Variants in KLHL28 observed in about 807,000 individuals in gnomAD.
KLHL28 encodes kelch-like protein 28.
Under a neutral mutation model 48.3 loss-of-function variants are expected in KLHL28, and 22 were observed. The ratio of observed to expected loss-of-function variants is 0.46; its 90% confidence interval spans 0.33 to 0.65. The LOEUF is 0.65. Ranked by LOEUF, KLHL28 falls within the 30% of genes least tolerant of loss-of-function variation. KLHL28 has a pLI of 0.03. For missense variants in KLHL28, 527 were observed against 704.3 expected (o/e 0.75, Z 2.85); for synonymous variants, 243 against 242.4 (o/e 1.00, Z -0.02).
At chr14:44,929,270 T>C in intron 4 of KLHL28, 79 bp from the exon 5 acceptor site, 2 of 1,209,170 alleles carry the variant, frequency 1.7e-6, no homozygotes, top group African/African-American at 1.6e-5. Flanking sequence ...TAAATTTGTA[T>C]TTTAATGTTT....
intron 2 of KLHL28, among the ~76,000 whole-genome samples, chr14:44,936,780 T>C (rs567458129): frequency 6.6e-6 from 1 of 152,262 alleles, no homozygotes; most frequent in East Asian, 1.9e-4. Context: ...GGCCATGGCG[T>C]ATTTAAAGGA....
chr14:44,934,309 T>C lies in KLHL28; in HGVS notation c.1149A>G (p.Val383=). The C allele has an allele frequency of 6.2e-7, 1 of 1,614,150 alleles. No homozygotes were observed. The highest frequency in any genetic ancestry group is 1.1e-5 in the South Asian group (1 of 91,084). The change falls in exon 3 of 5, where the codon GTA becomes GTG. Residue 383 remains valine (V), a synonymous_variant. Transcript: ENST00000396128. ...NESRSTLGVV[V]LAGELYALGG... is the part of the protein sequence containing the mutation. Reference sequence around the variant, plus strand: ...CTAAGGCATAAAGTTCTCCTGCAAGTACTACTACTCCAAGAGTACTTCGGC... The same window carrying C: ...CTAAGGCATAAAGTTCTCCTGCAAGCACTACTACTCCAAGAGTACTTCGGC...
chr14:44,953,360 C>T (rs35237680), intron 1 of KLHL28, among the ~76,000 whole-genome samples: 2,101 of 152,230 alleles, frequency 0.014, 21 homozygotes, highest in Middle Eastern at 0.027. Flanking sequence ...GAATAAAATA[C>T]GGGTAAAAAC....
intron 2 of KLHL28, among the ~76,000 whole-genome samples, chr14:44,938,999 C>A (rs1340030597): frequency 7.2e-5 from 11 of 152,228 alleles, no homozygotes; most frequent in South Asian, 2.1e-4. Flanking sequence ...CTATCTGCAA[C>A]ACTCTTACAG....
chr14:44,939,170 A>C (rs1397696082), intron 2 of KLHL28, among the ~76,000 whole-genome samples: 1 of 152,200 alleles, frequency 6.6e-6, no homozygotes, highest in Non-Finnish European at 1.5e-5. Flanking sequence ...CTACACTAGA[A>C]TGTGGAGAGC....
intron 2 of KLHL28, among the ~76,000 whole-genome samples, chr14:44,936,825 G>T (rs979878312): frequency 1.3e-5 from 2 of 152,196 alleles, no homozygotes; most frequent in Admixed American, 6.5e-5. Context: ...TCTAAGCTAG[G>T]CAAGATGGAA....
At chr14:44,942,127 CA>C (rs760724597) in intron 2 of KLHL28, among the ~76,000 whole-genome samples, 16 of 152,208 alleles carry the variant, frequency 1.1e-4, no homozygotes, top group Admixed American at 4.6e-4. Flanking sequence ...TCAATGTGTC[CA>C]AAACTCTTCC....
intron 2 of KLHL28, among the ~76,000 whole-genome samples, chr14:44,944,682 T>C (rs774810800): frequency 2.6e-5 from 4 of 152,150 alleles, no homozygotes. Flanking sequence ...TCTGATATAA[T>C]TGACAATAAT....
chr14:44,949,334 A>C (rs1238992609), intron 1 of KLHL28, among the ~76,000 whole-genome samples: 2 of 152,118 alleles, frequency 1.3e-5, no homozygotes, highest in Non-Finnish European at 1.5e-5. Context: ...GTTACAGACT[A>C]GGTTTGTTTC....
At chr14:44,941,628 C>CAAAA (rs1247926852) in intron 2 of KLHL28, among the ~76,000 whole-genome samples, 5 of 81,100 alleles carry the variant, frequency 6.2e-5, no homozygotes, top group Admixed American at 2.9e-4. Flanking sequence ...AACTCTGTCT[C>CAAAA]AAAAAAAAAA....
At chr14:44,959,539 G>A (rs1884942805) in intron 1 of KLHL28, 1 of 152,004 alleles carries the variant, frequency 6.6e-6, no homozygotes. Context: ...TAAGAACACA[G>A]AAAAATCATA....
intron 1 of KLHL28, among the ~76,000 whole-genome samples, chr14:44,956,073 A>G (rs982535974): frequency 6.6e-6 from 1 of 152,218 alleles, no homozygotes; most frequent in African/African-American, 2.4e-5. Flanking sequence ...TCAAACATTT[A>G]TTATGCCTTT....
rs1883394056 is a variant in KLHL28, at chr14:44,926,932, A to C, written c.*2096T>G. The C allele has an allele frequency of 6.6e-6, 1 of 152,670 alleles. No individual in the cohort carries two copies. The allele number at this position is 152,670 out of a possible 1,614,324, so 9.5% of individuals were successfully genotyped here. A position where few individuals can be genotyped will look rare whatever the true frequency, so the allele number is the denominator to read the frequency against. ...ACAAAGAAAACTGAATTGGGGATTT[A>C]AAACTAAATATGTGATGAATCTATT... On this transcript the variant is annotated 3_prime_UTR_variant, in exon 5 of 5. Transcript: ENST00000396128.
intron 1 of KLHL28, among the ~76,000 whole-genome samples, chr14:44,958,302 T>C (rs755512613): frequency 3.3e-5 from 5 of 151,902 alleles, no homozygotes; most frequent in Non-Finnish European, 5.9e-5. Context: ...ACAGTGGTGC[T>C]GAAATCAGTT....
At position 44,945,704 on chromosome 14, in the gene KLHL28, C is replaced by T. The variant is rs2138632583; in HGVS notation, c.225G>A (p.Glu75=). 2 of 1,614,162 alleles carry T rather than the reference C, an allele frequency of 1.2e-6. No homozygotes were observed. Among genetic ancestry groups the T allele is most frequent in the Middle Eastern group, 1.6e-4 (1 of 6,062 alleles). The change falls in exon 2 of 5, where the codon GAG becomes GAA. Residue 75 remains glutamate (E), a synonymous_variant. Transcript: ENST00000396128. The part of the protein sequence containing the change: ...TGNLSEKENS[E]VEFQCIDETA... The stretch of plus-strand genomic sequence containing the variant: ...TTTCATCAATGCATTGAAACTCAAC[C>T]TCACTGTTCTCTTTTTCAGAAAGGT...
At chr14:44,949,066 ATC>A (rs1188253684) in intron 1 of KLHL28, among the ~76,000 whole-genome samples, 1 of 152,094 alleles carries the variant, frequency 6.6e-6, no homozygotes, top group Non-Finnish European at 1.5e-5. Flanking sequence ...TTGTAAATTC[ATC>A]TCTCTCTCAG....
rs559014392 is a variant in KLHL28, at chr14:44,937,599, TACA to T, written c.900-3044_900-3042del. Among the ~76,000 whole-genome samples the T allele has an allele frequency of 8.5e-5, 13 of 152,332 alleles. No individual in the cohort carries two copies. The East Asian group carries it at 2.3e-3, about 27-fold the overall frequency. On this transcript the variant is annotated intron_variant, in intron 2 of 4. Transcript: ENST00000396128. ...TCTGGAGATGATTTAGCTAAATACA[TACA>T]ACATACAATGTCATTAGTCCTTATG...
At chr14:44,940,620 T>C (rs957854688) in intron 2 of KLHL28, among the ~76,000 whole-genome samples, 3 of 152,184 alleles carry the variant, frequency 2.0e-5, no homozygotes, top group African/African-American at 4.8e-5. Context: ...ACTAAAGCCA[T>C]TGGACAAGTG....
chr14:44,960,946 T>G (rs751148764), intron 1 of KLHL28: 8 of 1,511,160 alleles, frequency 5.3e-6, no homozygotes, highest in Non-Finnish European at 6.3e-6. Context: ...GGTCTTCAAA[T>G]GATAACTTAG....
Sources: gnomAD v4.1 joint callset for allele counts (sites outside exome capture counted in the v4.1 genomes callset) on GRCh38, gnomAD v4.1.1 for gene constraint, MANE v1.5 for transcripts, NCBI Gene and HGNC (gene_info 2026-07-23, HGNC 2026-07-21) for gene names.